FAAH2: variants seen among roughly 807,000 people sequenced by gnomAD.
FAAH2 encodes fatty acid amide hydrolase 2, also known as fatty-acid amide hydrolase 2.
FAAH2 carries 60 observed loss-of-function variants against 36.9 expected under a neutral mutation model. The ratio of observed to expected loss-of-function variants is 1.63; its 90% confidence interval spans 1.32 to 2.02. FAAH2 has a LOEUF of 2.02. Ranked by LOEUF, FAAH2 falls within the 30% of genes most tolerant of loss-of-function variation. The pLI is 0.00. For synonymous variants in FAAH2, 214 were observed against 143.8 expected, an observed-to-expected ratio of 1.49 and a Z score of -3.49; for missense variants, 689 against 397.5, an observed-to-expected ratio of 1.73 and a Z score of -6.23.
intron 7 of FAAH2, among the ~76,000 whole-genome samples, chrX:57,402,662 A>C (rs2055467614): frequency 8.9e-6 from 1 of 111,920 alleles, no homozygotes; most frequent in African/African-American, 3.3e-5. Context: ...GTCTCTCCAG[A>C]AAGGAAGTAG....
At chrX:57,141,367 A>G in the FAAH2 span, among the ~76,000 whole-genome samples, 1 of 111,942 alleles carries the variant, frequency 8.9e-6, no homozygotes. Context: ...TTGCATGTAT[A>G]TTTATTGGTA....
chrX:57,375,903 T>C (rs1171681706), intron 5 of FAAH2, among the ~76,000 whole-genome samples: 1 of 111,850 alleles, frequency 8.9e-6, no homozygotes, highest in African/African-American at 3.2e-5. Context: ...AAACAGGTTT[T>C]TGTGTATTGT....
At chrX:57,327,686 C>G in intron 3 of FAAH2, among the ~76,000 whole-genome samples, 1 of 111,572 alleles carries the variant, frequency 9.0e-6, no homozygotes, top group East Asian at 2.8e-4. Context: ...GTTTTTGGCT[C>G]CATCAGGTCC....
At chrX:57,403,555 T>A (rs901523421) in intron 7 of FAAH2, among the ~76,000 whole-genome samples, 1 of 112,874 alleles carries the variant, frequency 8.9e-6, no homozygotes. Context: ...CTTATGCAAA[T>A]TCATTTCAGA....
intron 3 of FAAH2, among the ~76,000 whole-genome samples, chrX:57,327,710 C>G (rs1317858005): frequency 6.3e-5 from 7 of 111,517 alleles, no homozygotes; most frequent in Non-Finnish European, 1.1e-4. Flanking sequence ...AAGGACTTCT[C>G]TGCCTTGATT....
chrX:57,344,029 T>G (rs1165476943), intron 5 of FAAH2, among the ~76,000 whole-genome samples: 1 of 111,188 alleles, frequency 9.0e-6, no homozygotes, highest in Non-Finnish European at 1.9e-5. Context: ...AATACAGTTT[T>G]AAGTTGGGTA....
the FAAH2 span, among the ~76,000 whole-genome samples, chrX:57,169,873 C>CACACACACACACACACACACAA: frequency 9.3e-6 from 1 of 107,739 alleles, no homozygotes; most frequent in African/African-American, 3.4e-5. Context: ...CTTCTAAACA[C>CACACACACACACACACACACAA]ACACACACAC....
chrX:57,271,629 G>C, the FAAH2 span, among the ~76,000 whole-genome samples: 1 of 111,914 alleles, frequency 8.9e-6, no homozygotes, highest in Non-Finnish European at 1.9e-5. Context: ...AAACAGGGTC[G>C]GGAGTGGACC....
chrX:57,372,340 TC>T (rs1282278134), intron 5 of FAAH2, among the ~76,000 whole-genome samples: 1 of 111,112 alleles, frequency 9.0e-6, no homozygotes, highest in African/African-American at 3.3e-5. Flanking sequence ...TAATAGCCAT[TC>T]TGACTGGTGT....
At chrX:57,407,725 G>A (rs2055602392) in intron 7 of FAAH2, among the ~76,000 whole-genome samples, 2 of 111,713 alleles carry the variant, frequency 1.8e-5, no homozygotes, top group South Asian at 3.8e-4. Context: ...TCGCATTGGA[G>A]AAGCTGCTCC....
chrX:57,300,629 A>C (rs1055282681), intron 2 of FAAH2, among the ~76,000 whole-genome samples: 10 of 111,998 alleles, frequency 8.9e-5, no homozygotes, highest in African/African-American at 2.9e-4. Flanking sequence ...TAAGCTAAAG[A>C]GCTCCTGCAC....
chrX:57,431,763 G>GTTTTTGTTT (rs1569340515), intron 7 of FAAH2, among the ~76,000 whole-genome samples, 155 bp from the exon 8 acceptor site: 42 of 13,678 alleles, frequency 3.1e-3, no homozygotes, highest in African/African-American at 3.3e-3. Flanking sequence ...TTTTGTTTTT[G>GTTTTTGTTT]TTTTTTTGTT....
chrX:57,483,874 A>G (rs1448227824), intron 10 of FAAH2, among the ~76,000 whole-genome samples: 7 of 96,105 alleles, frequency 7.3e-5, no homozygotes, highest in Non-Finnish European at 1.4e-4. Context: ...ATCTCAGCTC[A>G]CCACAAGCTC....
At chrX:57,378,969 G>T (rs1283285814) in intron 6 of FAAH2, among the ~76,000 whole-genome samples, 183 bp downstream of exon 6, 1 of 111,894 alleles carries the variant, frequency 8.9e-6, no homozygotes, top group East Asian at 2.8e-4. Flanking sequence ...AAGATGCCAT[G>T]TAAAAGTATT....
In FAAH2 at chrX:57,339,858, G is replaced by A. The variant is rs763434051; in HGVS notation, c.623-1413G>A. 5.5e-3 allele frequency among the ~76,000 whole-genome samples: 620 copies of A among 111,990 alleles called. 2 individuals are homozygous for A. Among genetic ancestry groups the A allele is most frequent in the Non-Finnish European group, 8.6e-3 (457 of 53,181 alleles). ...AGTGTAGCAATTCCTCAAAAATCTAGGAGCAGAAATACCATTTTACCCAGC... is the reference window on the plus strand; with the variant it reads ...AGTGTAGCAATTCCTCAAAAATCTAAGAGCAGAAATACCATTTTACCCAGC... On this transcript the variant is annotated intron_variant, in intron 4 of 10. Coordinates refer to ENST00000374900, the MANE Select transcript of FAAH2 (RefSeq NM_174912.4).
intron 3 of FAAH2, among the ~76,000 whole-genome samples, chrX:57,318,427 A>G (rs2052910094): frequency 8.9e-6 from 1 of 111,836 alleles, no homozygotes; most frequent in Admixed American, 9.5e-5. Context: ...AAAAAATGGA[A>G]AAATTCCTGG....
the FAAH2 span, among the ~76,000 whole-genome samples, chrX:57,266,569 C>A: frequency 1.8e-5 from 2 of 112,447 alleles, no homozygotes; most frequent in East Asian, 2.8e-4. Context: ...ATAAAAAGAG[C>A]AAAGACCTTA....
At chrX:57,393,774 T>A (rs1043151971) in intron 7 of FAAH2, 4 of 926,026 alleles carry the variant, frequency 4.3e-6, no homozygotes, top group Non-Finnish European at 6.3e-6. Flanking sequence ...AAGTGGACCG[T>A]CTGTGTGTGA....
chrX:57,137,881 A>G, the FAAH2 span, among the ~76,000 whole-genome samples: 1 of 111,847 alleles, frequency 8.9e-6, no homozygotes, highest in East Asian at 2.8e-4. Flanking sequence ...ATATATATAT[A>G]TATCTCCAAG....
Sources: allele counts gnomAD v4.1 joint callset (sites outside exome capture counted in the v4.1 genomes callset), GRCh38; gene constraint gnomAD v4.1.1; transcripts MANE v1.5; gene names NCBI Gene and HGNC (gene_info 2026-07-23, HGNC 2026-07-21).